The following SPTLC3 variants were observed in gnomAD, a reference collection of about 807,000 sequenced individuals.
SPTLC3 encodes serine palmitoyltransferase 3.
Under a neutral mutation model 59.3 loss-of-function variants are expected in SPTLC3, and 36 were observed. The ratio of observed to expected loss-of-function variants is 0.61; its 90% CI spans 0.47 to 0.80. SPTLC3 has a LOEUF of 0.80. Ranked by LOEUF, SPTLC3 falls within the 30% of genes least tolerant of loss-of-function variation. The pLI, the probability that SPTLC3 is intolerant of heterozygous loss-of-function variation, is 0.00. For synonymous variants in SPTLC3, 257 were observed against 240.8 expected (o/e 1.07, Z -0.62); for missense variants, 625 against 685.1 (o/e 0.91, Z 0.98).
chr20:13,024,506 AT>A lies in SPTLC3; in HGVS notation c.117+15127del, dbSNP rs1222076640. 5.9e-5 allele frequency among the ~76,000 whole-genome samples: 9 copies of A among 152,100 alleles called. No individual in the cohort carries two copies. The South Asian group carries it at 1.9e-3, about 32-fold the overall frequency. ...CAGCATGCATACCATTAACTTCAATATTTTTCTATAGTTTTTTTTCTTTTGA... is the reference window on the plus strand; with the variant it reads ...CAGCATGCATACCATTAACTTCAATATTTTCTATAGTTTTTTTTCTTTTGA... On this transcript the variant is annotated intron_variant, in intron 1 of 11. Coordinates refer to ENST00000399002, the MANE Select transcript of SPTLC3 (RefSeq NM_018327.4).
chr20:13,110,088 T>A (rs1165891467), intron 6 of SPTLC3, 24 bp from the exon 7 acceptor site: 15 of 1,533,736 alleles, frequency 9.8e-6, no homozygotes, highest in Non-Finnish European at 1.0e-5. Flanking sequence ...ATGACTCAAT[T>A]TTTTTTTTTG....
chr20:13,162,694 C>T (rs370820918), intron 11 of SPTLC3, among the ~76,000 whole-genome samples: 86 of 152,328 alleles, frequency 5.6e-4, no homozygotes, highest in Middle Eastern at 3.4e-3. Flanking sequence ...CCAATAACAA[C>T]TCTAGCCTCG....
At chr20:13,116,549 C>T (rs1990562146) in intron 7 of SPTLC3, among the ~76,000 whole-genome samples, 3 of 151,862 alleles carry the variant, frequency 2.0e-5, no homozygotes, top group East Asian at 1.9e-4. Flanking sequence ...CCCTTTGTGC[C>T]GGAGGATGTA....
rs1985089228 is a variant in SPTLC3 at position 13,009,177 on chromosome 20, G to A, written c.-91G>A. On this transcript the variant is annotated 5_prime_UTR_variant, in exon 1 of 12. Transcript: ENST00000399002. ...ATTCCTTTAAGGGCTCAGCCCCAAA[G>A]AGCTTTATCCCATCCCCTCGCAGAC... 1 of 954,710 alleles carries A rather than the reference G, an allele frequency of 1.0e-6. No homozygotes were observed. The highest frequency in any genetic ancestry group is 1.6e-6 in the Non-Finnish European group (1 of 612,838). The allele number at this position is 954,710 out of a possible 1,614,324, so 59.1% of individuals were successfully genotyped here. A position where few individuals can be genotyped will look rare whatever the true frequency, so the allele number is the denominator to read the frequency against.
chr20:13,160,153 C>A (rs759141880), intron 11 of SPTLC3, 21 bp downstream of exon 11: 2 of 1,608,966 alleles, frequency 1.2e-6, no homozygotes, highest in Non-Finnish European at 8.5e-7. Context: ...CACAGGCCAA[C>A]GGGATCTCAG....
At chr20:13,023,735 T>C (rs1342366247) in intron 1 of SPTLC3, among the ~76,000 whole-genome samples, 1 of 152,184 alleles carries the variant, frequency 6.6e-6, no homozygotes, top group Admixed American at 6.5e-5. Flanking sequence ...ACAACATGCT[T>C]CTCTATTGCT....
intron 3 of SPTLC3, chr20:13,073,693 T>C (rs1374097251): frequency 1.8e-5 from 7 of 398,588 alleles, no homozygotes; most frequent in African/African-American, 1.0e-4. Context: ...TATCTGCTTG[T>C]TCATTGCTGC....
At chr20:13,140,317 TCA>T (rs1245572608) in intron 9 of SPTLC3, among the ~76,000 whole-genome samples, 11 of 152,170 alleles carry the variant, frequency 7.2e-5, no homozygotes, top group Non-Finnish European at 1.3e-4. Context: ...CCCCAGTCAC[TCA>T]CTCAGCTCTC....
rs77294387 is a variant in SPTLC3, at chr20:13,068,761, A to C, written c.304-3495A>C. On this transcript the variant is annotated intron_variant, in intron 2 of 11. Transcript: ENST00000399002. ...AACTCTGAGTACTTTAAAAAAAAAA[A>C]AACAACAACAACAACACTAGCCCTT... Among the ~76,000 whole-genome samples, 449 of 151,314 alleles carry C rather than the reference A, an allele frequency of 3.0e-3. 5 individuals are homozygous for C. The East Asian group carries it at 0.054, about 18-fold the overall frequency.
intron 8 of SPTLC3, among the ~76,000 whole-genome samples, chr20:13,121,180 T>A (rs2037857982): frequency 6.6e-6 from 1 of 152,138 alleles, no homozygotes; most frequent in Non-Finnish European, 1.5e-5. Flanking sequence ...GAACACTGGC[T>A]CCCACAGCCT....
At chr20:13,152,832 C>A (rs2038679780) in intron 9 of SPTLC3, among the ~76,000 whole-genome samples, 2 of 152,172 alleles carry the variant, frequency 1.3e-5, no homozygotes, top group Non-Finnish European at 2.9e-5. Context: ...AAGGCACAAT[C>A]TGGGGCCATT....
At chr20:13,118,180 T>C (rs1600312466) in intron 8 of SPTLC3, among the ~76,000 whole-genome samples, 1 of 152,100 alleles carries the variant, frequency 6.6e-6, no homozygotes, top group South Asian at 2.1e-4. Flanking sequence ...ATAGCAACAG[T>C]AGGCAATGTT....
At chr20:13,145,101 T>A (rs2122905709) in intron 9 of SPTLC3, among the ~76,000 whole-genome samples, 1 of 151,980 alleles carries the variant, frequency 6.6e-6, no homozygotes. Flanking sequence ...GAAAAAAAAA[T>A]TCTAGAAACC....
chr20:13,130,853 G>C (rs556887791), intron 9 of SPTLC3, among the ~76,000 whole-genome samples: 43 of 152,324 alleles, frequency 2.8e-4, no homozygotes, highest in Non-Finnish European at 5.4e-4. Context: ...GTCAAACTCA[G>C]TGCTCAGCTT....
At chr20:13,137,293 T>G (rs150522736) in intron 9 of SPTLC3, among the ~76,000 whole-genome samples, 2 of 152,196 alleles carry the variant, frequency 1.3e-5, no homozygotes, top group African/African-American at 2.4e-5. Flanking sequence ...GTTGTTGCCT[T>G]GGCTGTAGAA....
At chr20:13,136,864 T>A (rs1045729782) in intron 9 of SPTLC3, among the ~76,000 whole-genome samples, 1 of 151,880 alleles carries the variant, frequency 6.6e-6, no homozygotes, top group African/African-American at 2.4e-5. Context: ...TCATAAATAG[T>A]TACTCTGTTA....
intron 9 of SPTLC3, among the ~76,000 whole-genome samples, chr20:13,133,650 C>T (rs2038177382): frequency 6.6e-6 from 1 of 152,150 alleles, no homozygotes; most frequent in South Asian, 2.1e-4. Flanking sequence ...AAGAGAATCG[C>T]TTGAGCCCAG....
At chr20:13,029,874 T>C (rs78190962) in intron 1 of SPTLC3, among the ~76,000 whole-genome samples, 15,829 of 152,140 alleles carry the variant, frequency 0.1, 1,230 homozygotes, top group African/African-American at 0.22. Flanking sequence ...AGGGAACAGC[T>C]GCTGAATCCT....
intron 5 of SPTLC3, among the ~76,000 whole-genome samples, 165 bp from the exon 6 acceptor site, chr20:13,093,319 A>G (rs1989295208): frequency 6.6e-6 from 1 of 152,202 alleles, no homozygotes; most frequent in African/African-American, 2.4e-5. Context: ...ACTGCTATAC[A>G]TGATTTTGTC....
Sources: gnomAD v4.1 joint callset for allele counts (sites outside exome capture counted in the v4.1 genomes callset) on GRCh38, gnomAD v4.1.1 for gene constraint, MANE v1.5 for transcripts, NCBI Gene and HGNC (gene_info 2026-07-23, HGNC 2026-07-21) for gene names.